ZFAND5: variants seen among roughly 807,000 people sequenced by gnomAD.
ZFAND5 encodes zinc finger AN1-type containing 5.
In ZFAND5, 4 loss-of-function variants were observed where a neutral mutation model predicts 23.6. The observed-to-expected ratio is 0.17, with a 90% CI of 0.08 to 0.39. The LOEUF is 0.39. Among genes scored for constraint, ZFAND5 ranks in the 10% least tolerant of loss-of-function variants. The probability of loss-of-function intolerance (pLI) is 1.00; values close to 1 mark genes in which losing one functional copy is unlikely to be tolerated. For missense variants in ZFAND5, 161 were observed against 253.7 expected (o/e 0.63, Z 2.48); for synonymous variants, 68 against 80.6 (o/e 0.84, Z 0.84).
In ZFAND5 at chr9:72,354,921, TATG is replaced by T. The variant is rs1459605015; in HGVS notation, c.*1029_*1031del. On this transcript the variant is annotated 3_prime_UTR_variant, in exon 7 of 7. Coordinates refer to ENST00000376962, the MANE Select transcript of ZFAND5 (RefSeq NM_001102420.3). ...ACTAGAGTCCTACACCCAAGTACAATATGATAAAGCAGCCCTCTGCAAGTGGTG... is the reference window on the plus strand; with the variant it reads ...ACTAGAGTCCTACACCCAAGTACAATATAAAGCAGCCCTCTGCAAGTGGTG... 3 of 152,690 alleles carry T rather than the reference TATG, an allele frequency of 2.0e-5. No individual in the cohort carries two copies. Among genetic ancestry groups the T allele is most frequent in the South Asian group, 2.1e-4 (1 of 4,832 alleles). 9.5% of individuals were successfully genotyped at this position (152,690 alleles called of 1,614,324 possible).
intron 5 of ZFAND5, among the ~76,000 whole-genome samples, chr9:72,358,895 T>C (rs1564306559): frequency 6.6e-6 from 1 of 152,158 alleles, no homozygotes; most frequent in Non-Finnish European, 1.5e-5. Flanking sequence ...AGGGCACTTC[T>C]GGTTGTGCTA....
rs146220338 is a variant in ZFAND5 at position 72,351,587 on chromosome 9, G to GTTCTT, written c.*4365_*4366insAAGAA. On this transcript the variant is annotated 3_prime_UTR_variant, in exon 7 of 7. Coordinates refer to ENST00000376962, the MANE Select transcript of ZFAND5 (RefSeq NM_001102420.3). ...TTAAATGGCACTTTTGTATTCTGTT[G>GTTCTT]TACTTTTTTTTTTTTTTTTACATTT... The GTTCTT allele has an allele frequency of 1.0e-5, 1 of 100,030 alleles. No individual in the cohort carries two copies. The highest frequency in any genetic ancestry group is 2.6e-5 in the Non-Finnish European group (1 of 38,512). The allele number at this position is 100,030 out of a possible 1,614,324, so 6.2% of individuals were successfully genotyped here.
Position 72,360,782 on chromosome 9 carries a change from T to C in ZFAND5, c.-4A>G, listed in dbSNP as rs771150844. 4 of 1,597,304 alleles carry C rather than the reference T, an allele frequency of 2.5e-6. No homozygotes were observed. The South Asian group carries it at 4.5e-5, about 18-fold the overall frequency. On this transcript the variant is annotated 5_prime_UTR_variant, in exon 3 of 7. Transcript: ENST00000376962. Reference sequence around the variant, plus strand: ...TCTGGTTAGTCTCCTGAGCCATATTTTTCTGCTATAGATGAAACGAAATTT... The same window carrying C: ...TCTGGTTAGTCTCCTGAGCCATATTCTTCTGCTATAGATGAAACGAAATTT...
At chr9:72,357,160 G>A (rs1188741227) in intron 5 of ZFAND5, 104 bp from the exon 6 acceptor site, 49 of 1,348,786 alleles carry the variant, frequency 3.6e-5, no homozygotes, top group Non-Finnish European at 1.8e-5. Flanking sequence ...TGATAAAAAT[G>A]TTTATAAGTA....
In ZFAND5 at chr9:72,354,849, T is replaced by C. The variant is rs1841895437; in HGVS notation, c.*1104A>G. ...AGTATACTGCCTTTTCTAGTTGTTA[T>C]TGTACAATGCTGTAGATAATGCAGC... On this transcript the variant is annotated 3_prime_UTR_variant, in exon 7 of 7. Transcript: ENST00000376962. 6.6e-6 allele frequency: 1 copy of C among 152,656 alleles called. No individual in the cohort carries two copies. The highest frequency in any genetic ancestry group is 1.5e-5 in the Non-Finnish European group (1 of 68,028). 9.5% of individuals were successfully genotyped at this position (152,656 alleles called of 1,614,324 possible).
Position 72,355,677 on chromosome 9 carries a change from T to G in ZFAND5, c.*276A>C, listed in dbSNP as rs1006767779. ...TTTATTTTGTTTGGCACATGGGAAC[T>G]ACATTTTGTTCCTATTATCTGTGTG... On this transcript the variant is annotated 3_prime_UTR_variant, in exon 7 of 7. Coordinates refer to ENST00000376962, the MANE Select transcript of ZFAND5 (RefSeq NM_001102420.3). 13 of 245,798 alleles carry G rather than the reference T, an allele frequency of 5.3e-5. No homozygotes were observed. The highest frequency in any genetic ancestry group is 2.0e-4 in the African/African-American group (9 of 44,552). The allele number at this position is 245,798 out of a possible 1,614,324, so 15.2% of individuals were successfully genotyped here.
At position 72,352,428 on chromosome 9, in the gene ZFAND5, T is replaced by C. The variant is rs1255956105; in HGVS notation, c.*3525A>G. The C allele has an allele frequency of 6.6e-6, 1 of 152,268 alleles. No homozygotes were observed. Among genetic ancestry groups the C allele is most frequent in the East Asian group, 1.9e-4 (1 of 5,204 alleles). The allele number at this position is 152,268 out of a possible 1,614,324, so 9.4% of individuals were successfully genotyped here. ...TAAATTATGAGTTACCTAAAATGTATGTGTGCCTTTGAAATGGAGGATATG... is the reference window on the plus strand; with the variant it reads ...TAAATTATGAGTTACCTAAAATGTACGTGTGCCTTTGAAATGGAGGATATG... On this transcript the variant is annotated 3_prime_UTR_variant, in exon 7 of 7. Transcript: ENST00000376962.
chr9:72,356,646 T>C (rs1841951838), intron 6 of ZFAND5, among the ~76,000 whole-genome samples: 1 of 152,100 alleles, frequency 6.6e-6, no homozygotes, highest in African/African-American at 2.4e-5. Flanking sequence ...TAGGTGGCGC[T>C]TACTGTTAGT....
At chr9:72,359,907 C>A (rs1842049704) in intron 4 of ZFAND5, among the ~76,000 whole-genome samples, 1 of 152,186 alleles carries the variant, frequency 6.6e-6, no homozygotes, top group South Asian at 2.1e-4. Flanking sequence ...ACAGCATTTC[C>A]AACACAGTAT....
At chr9:72,364,562 C>T (rs1248747807) in intron 1 of ZFAND5, 134 bp downstream of exon 1, 1 of 1,266,182 alleles carries the variant, frequency 7.9e-7, no homozygotes. Flanking sequence ...CGGGCGGGCT[C>T]CCCTCCCCCG....
intron 3 of ZFAND5, 97 bp from the exon 4 acceptor site, chr9:72,360,318 G>T: frequency 9.3e-7 from 1 of 1,078,330 alleles, no homozygotes; most frequent in Non-Finnish European, 1.4e-6. Context: ...AATTAGGTTA[G>T]TGATATAAGC....
intron 4 of ZFAND5, 137 bp downstream of exon 4, chr9:72,359,973 T>TTACTC (rs1321853901): frequency 2.1e-5 from 14 of 654,682 alleles, no homozygotes; most frequent in Non-Finnish European, 3.4e-5. Flanking sequence ...CTCAATGACT[T>TTACTC]AAGAGTCATG....
At chr9:72,359,557 T>TA (rs759589619) in intron 4 of ZFAND5, 36 bp from the exon 5 acceptor site, 2 of 1,579,358 alleles carry the variant, frequency 1.3e-6, no homozygotes, top group Admixed American at 1.7e-5. Flanking sequence ...TTAAAGGTGT[T>TA]AAGGGTACTT....
intron 6 of ZFAND5, among the ~76,000 whole-genome samples, chr9:72,356,621 C>T (rs901390152): frequency 1.3e-5 from 2 of 152,166 alleles, no homozygotes; most frequent in African/African-American, 4.8e-5. Context: ...AGAACATTCC[C>T]TGCATAGCTC....
Position 72,355,928 on chromosome 9 carries a change from T to C in ZFAND5, c.*25A>G. 1 of 1,576,752 alleles carries C rather than the reference T, an allele frequency of 6.3e-7. No homozygotes were observed. The highest frequency in any genetic ancestry group is 8.6e-7 in the Non-Finnish European group (1 of 1,163,896). On this transcript the variant is annotated 3_prime_UTR_variant, in exon 7 of 7. Coordinates refer to ENST00000376962, the MANE Select transcript of ZFAND5 (RefSeq NM_001102420.3). ...ACGATATATTAAAATAAAAACAAAG[T>C]TTCAGTCTCTTCACAAGAAGTAATT...
At position 72,352,287 on chromosome 9, in the gene ZFAND5, T is replaced by A. The variant is rs1350230284; in HGVS notation, c.*3666A>T. The A allele has an allele frequency of 1.3e-5, 2 of 152,232 alleles. No individual in the cohort carries two copies. The highest frequency in any genetic ancestry group is 4.8e-5 in the African/African-American group (2 of 41,452). 9.4% of individuals were successfully genotyped at this position (152,232 alleles called of 1,614,324 possible). ...GAGACCATGCCATTTTACTCCAGCC[T>A]GGGCGACGGAGCCTCTGTCTCAAAC... On this transcript the variant is annotated 3_prime_UTR_variant, in exon 7 of 7. Transcript: ENST00000376962.
At position 72,363,474 on chromosome 9, in the gene ZFAND5, G is replaced by C. The variant is rs1190020994; in HGVS notation, c.-14C>G. Reference sequence around the variant, plus strand: ...ATGGCATGAATTCCCACTCACCTGGGAATGGAGACCTGAGTTCAAGTCTCT... The same window carrying C: ...ATGGCATGAATTCCCACTCACCTGGCAATGGAGACCTGAGTTCAAGTCTCT... On this transcript the variant is annotated 5_prime_UTR_variant, in exon 2 of 7. Coordinates refer to ENST00000376962, the MANE Select transcript of ZFAND5 (RefSeq NM_001102420.3). 9.4e-6 allele frequency: 2 copies of C among 211,660 alleles called. No homozygotes were observed. The highest frequency in any genetic ancestry group is 1.6e-5 in the Non-Finnish European group (2 of 122,328). 13.1% of individuals were successfully genotyped at this position (211,660 alleles called of 1,614,324 possible).
At chr9:72,359,648 A>G (rs1170430116) in intron 4 of ZFAND5, 127 bp from the exon 5 acceptor site, 3 of 885,598 alleles carry the variant, frequency 3.4e-6, no homozygotes, top group Non-Finnish European at 3.3e-6. Context: ...TAGATAATCT[A>G]AAGTTTAAAA....
At position 72,357,257 on chromosome 9, in the gene ZFAND5, T is replaced by C. The variant is rs186681544; in HGVS notation, c.368-201A>G. Among the ~76,000 whole-genome samples the C allele has an allele frequency of 2.2e-3, 342 of 152,298 alleles. 2 individuals are homozygous for C. Among genetic ancestry groups the C allele is most frequent in the Middle Eastern group, 6.8e-3 (2 of 294 alleles). The stretch of plus-strand genomic sequence containing the variant: ...TCTGAGAAATTCCTGCCAATCACCA[T>C]ACTACTTGCTTCTCTAATTTTGTAA... On this transcript the variant is annotated intron_variant, in intron 5 of 6. Transcript: ENST00000376962.
Sources: allele counts gnomAD v4.1 joint callset (sites outside exome capture counted in the v4.1 genomes callset), GRCh38; gene constraint gnomAD v4.1.1; transcripts MANE v1.5; gene names NCBI Gene and HGNC (gene_info 2026-07-23, HGNC 2026-07-21).